The following PAQR5 variants were observed in gnomAD, a reference collection of about 807,000 sequenced individuals.
PAQR5 encodes progestin and adipoQ receptor family member 5.
PAQR5 carries 20 observed loss-of-function variants against 34.5 expected under a neutral mutation model. That is an observed-to-expected ratio of 0.58 (90% confidence interval 0.41 to 0.84). The LOEUF is 0.84. Among genes scored for constraint, PAQR5 ranks in the 40% least tolerant of loss-of-function variants. The pLI is 0.00. For synonymous variants in PAQR5, 131 were observed against 155.6 expected, an observed-to-expected ratio of 0.84 and a Z score of 1.18; for missense variants, 378 against 412.7, an observed-to-expected ratio of 0.92 and a Z score of 0.73.
chr15:69,322,691 G>GGAAGAGGAA, intron 1 of PAQR5, among the ~76,000 whole-genome samples: 1 of 25,466 alleles, frequency 3.9e-5, no homozygotes, highest in Admixed American at 6.1e-4. Flanking sequence ...AAGGAGAAGA[G>GGAAGAGGAA]GAAGAAGAAG....
At chr15:69,390,345 TTTA>T (rs202144586) in intron 6 of PAQR5, among the ~76,000 whole-genome samples, 12 of 93,958 alleles carry the variant, frequency 1.3e-4, no homozygotes, top group Admixed American at 3.4e-4. Context: ...TATTTATTTA[TTTA>T]TTTATTTATT....
Position 69,384,759 on chromosome 15 carries a change from A to C in PAQR5, c.262A>C (p.Met88Leu), listed in dbSNP as rs2056060379. Residue 88 changes from methionine (M) to leucine (L), a missense_variant, in exon 5 of 9, where the codon ATG becomes CTG. Physicochemically the swap from Met to Leu is conservative, Grantham distance 15. Transcript: ENST00000395407. Reference protein sequence around the residue: ...DSYSWPMLVYMCTSCVYPLVS... With the variant: ...DSYSWPMLVYLCTSCVYPLVS... ...CTACTCCTGGCCCATGCTTGTGTAC[A>C]TGTGCACCAGCTGCGTGTACCCACT... 2 of 1,613,864 alleles carry C rather than the reference A, an allele frequency of 1.2e-6. No homozygotes were observed. The highest frequency in any genetic ancestry group is 8.5e-7 in the Non-Finnish European group (1 of 1,179,882).
At chr15:69,386,011 A>C (rs900752176) in intron 5 of PAQR5, among the ~76,000 whole-genome samples, 5 of 150,786 alleles carry the variant, frequency 3.3e-5, no homozygotes, top group Non-Finnish European at 7.4e-5. Context: ...CACTACACTC[A>C]CATAAACACA....
intron 1 of PAQR5, among the ~76,000 whole-genome samples, chr15:69,313,585 G>A (rs1251592432): frequency 6.6e-6 from 1 of 152,062 alleles, no homozygotes; most frequent in Non-Finnish European, 1.5e-5. Context: ...AAGATTTCTT[G>A]AAAAAAGGAA....
chr15:69,370,819 C>A (rs568368166), intron 3 of PAQR5, among the ~76,000 whole-genome samples: 3 of 152,164 alleles, frequency 2.0e-5, no homozygotes, highest in Non-Finnish European at 4.4e-5. Context: ...CTGTGCCAGG[C>A]CTGACAAATG....
Position 69,354,306 on chromosome 15 carries a change from CCTT to C in PAQR5, c.-115-5659_-115-5657del, listed in dbSNP as rs570683306. On this transcript the variant is annotated intron_variant, in intron 2 of 8. Coordinates refer to ENST00000395407, the MANE Select transcript of PAQR5 (RefSeq NM_017705.4). ...ACTGTAATTGTCATGAGTATTTCCT[CCTT>C]GTTTTGTTAAGAATATGTTTGCATG... Among the ~76,000 whole-genome samples, 340 of 152,236 alleles carry C rather than the reference CCTT, an allele frequency of 2.2e-3. 1 individual carries two copies. Among genetic ancestry groups the C allele is most frequent in the African/African-American group, 8.0e-3 (332 of 41,528 alleles).
At chr15:69,346,632 T>G (rs888920063) in intron 2 of PAQR5, among the ~76,000 whole-genome samples, 1 of 150,574 alleles carries the variant, frequency 6.6e-6, no homozygotes, top group African/African-American at 2.4e-5. Context: ...TTTTTTTTTT[T>G]TTTTTTGAGT....
intron 3 of PAQR5, among the ~76,000 whole-genome samples, chr15:69,363,719 CTT>C (rs1406235637): frequency 6.6e-6 from 1 of 151,724 alleles, no homozygotes; most frequent in African/African-American, 2.4e-5. Context: ...TGCCCAGATA[CTT>C]TTTGCATTTT....
rs1382102372 is a variant in PAQR5 at position 69,372,858 on chromosome 15, TTC to T, written c.52-7023_52-7022del. 9.9e-5 allele frequency among the ~76,000 whole-genome samples: 15 copies of T among 152,204 alleles called. 1 individual carries two copies. The highest frequency in any genetic ancestry group is 2.9e-4 in the African/African-American group (12 of 41,460). On this transcript the variant is annotated intron_variant, in intron 3 of 8. Coordinates refer to ENST00000395407, the MANE Select transcript of PAQR5 (RefSeq NM_017705.4). ...GTGAAATTCTGATCTTGCATTAGTT[TTC>T]TGTTACTGCTGTAACAAATTACCAC...
At chr15:69,396,217 G>A (rs1053888451) in intron 6 of PAQR5, among the ~76,000 whole-genome samples, 6 of 149,354 alleles carry the variant, frequency 4.0e-5, no homozygotes, top group South Asian at 4.4e-4. Context: ...TGGCTCATAC[G>A]AGATATGAAC....
intron 1 of PAQR5, among the ~76,000 whole-genome samples, chr15:69,309,487 T>C (rs1043740127): frequency 6.6e-6 from 1 of 152,076 alleles, no homozygotes; most frequent in Non-Finnish European, 1.5e-5. Flanking sequence ...TTTCCAAAAA[T>C]GTGTCAGTAG....
intron 6 of PAQR5, chr15:69,391,653 C>T: frequency 2.2e-6 from 1 of 456,024 alleles, no homozygotes; most frequent in Non-Finnish European, 4.4e-6. Flanking sequence ...CTGGTTCGCT[C>T]TCCTAGGGCT....
intron 2 of PAQR5, among the ~76,000 whole-genome samples, chr15:69,338,859 C>T (rs2054570602): frequency 6.6e-6 from 1 of 152,192 alleles, no homozygotes; most frequent in Non-Finnish European, 1.5e-5. Flanking sequence ...GGTAACAACC[C>T]TTTCCCAAAG....
At chr15:69,390,360 A>ATTTT (rs543005498) in intron 6 of PAQR5, among the ~76,000 whole-genome samples, 9,989 of 135,730 alleles carry the variant, frequency 0.074, 763 homozygotes, top group South Asian at 0.16. Flanking sequence ...TTATTTATTT[A>ATTTT]TTTTTTTGAG....
chr15:69,324,669 C>T (rs978911455), intron 1 of PAQR5, among the ~76,000 whole-genome samples: 3 of 152,144 alleles, frequency 2.0e-5, no homozygotes, highest in Admixed American at 2.0e-4. Context: ...CATTCCCACC[C>T]CATTCATATG....
In PAQR5 at chr15:69,405,713, A is replaced by G. The variant is rs2056743214; in HGVS notation, c.*1891A>G. ...CTTTATAGGTAACAAAATAATGTTT[A>G]GCTCAGTAAGTACTGAAATAATGAG... On this transcript the variant is annotated 3_prime_UTR_variant, in exon 9 of 9. Coordinates refer to ENST00000395407, the MANE Select transcript of PAQR5 (RefSeq NM_017705.4). The G allele has an allele frequency of 1.3e-5, 2 of 152,252 alleles. No homozygotes were observed. Among genetic ancestry groups the G allele is most frequent in the South Asian group, 4.1e-4 (2 of 4,826 alleles). The allele number at this position is 152,252 out of a possible 1,614,324, so 9.4% of individuals were successfully genotyped here.
intron 1 of PAQR5, among the ~76,000 whole-genome samples, chr15:69,311,624 A>G (rs2053836655): frequency 6.6e-6 from 1 of 152,078 alleles, no homozygotes; most frequent in African/African-American, 2.4e-5. Context: ...GACAGCCTCT[A>G]CGCCCCAGTG....
chr15:69,332,700 C>T (rs2054410813), intron 1 of PAQR5, among the ~76,000 whole-genome samples: 1 of 132,674 alleles, frequency 7.5e-6, no homozygotes, highest in Non-Finnish European at 1.6e-5. Context: ...CCCACCCCGG[C>T]CAACCCATGG....
rs768536877 is a variant in PAQR5 at position 69,389,819 on chromosome 15, G to A, written c.512+39G>A. On this transcript the variant is annotated intron_variant, in intron 6 of 8. Coordinates refer to ENST00000395407, the MANE Select transcript of PAQR5 (RefSeq NM_017705.4). ...TGACCTCAGATGGGAGGGGAGGGAGGGTCTTGCATGCAGCTCCCTGCACTC... is the reference window on the plus strand; with the variant it reads ...TGACCTCAGATGGGAGGGGAGGGAGAGTCTTGCATGCAGCTCCCTGCACTC... The A allele has an allele frequency of 7.5e-6, 12 of 1,609,340 alleles. No individual in the cohort carries two copies. In the Admixed American group the frequency reaches 2.0e-4, roughly 27 times the overall value.
Sources: gnomAD v4.1 joint callset for allele counts (sites outside exome capture counted in the v4.1 genomes callset) on GRCh38, gnomAD v4.1.1 for gene constraint, MANE v1.5 for transcripts, NCBI Gene and HGNC (gene_info 2026-07-23, HGNC 2026-07-21) for gene names.